The following PEAK1 variants were observed in gnomAD, a reference collection of about 807,000 sequenced individuals.
The protein encoded by PEAK1 is pseudopodium enriched atypical kinase 1.
Under a neutral mutation model 124.7 loss-of-function variants are expected in PEAK1, and 54 were observed. The observed-to-expected ratio is 0.43, with a 90% CI of 0.35 to 0.54. The LOEUF (loss-of-function observed/expected upper bound fraction) is 0.54. PEAK1 is among the 20% of genes least tolerant of loss of function. PEAK1 has a pLI of 0.01. For synonymous variants in PEAK1, 719 were observed against 760.0 expected, an observed-to-expected ratio of 0.95 and a Z score of 0.89; for missense variants, 2,046 against 2,134.5, an observed-to-expected ratio of 0.96 and a Z score of 0.82.
intron 9 of PEAK1, among the ~76,000 whole-genome samples, chr15:77,118,101 A>G (rs2051560714): frequency 1.3e-5 from 2 of 152,244 alleles, no homozygotes; most frequent in South Asian, 4.1e-4. Context: ...AGTGGGCAGC[A>G]CTTCCTTATC....
chr15:77,131,400 G>C (rs2052847370), intron 9 of PEAK1, among the ~76,000 whole-genome samples: 1 of 152,214 alleles, frequency 6.6e-6, no homozygotes, highest in South Asian at 2.1e-4. Flanking sequence ...GGCTGAGGCA[G>C]GAGAATCGCT....
chr15:77,262,217 C>T (rs1246200440), intron 5 of PEAK1, among the ~76,000 whole-genome samples: 1 of 152,110 alleles, frequency 6.6e-6, no homozygotes, highest in Non-Finnish European at 1.5e-5. Context: ...AGCAAAATAA[C>T]CAGCTAACAT....
At chr15:77,394,526 C>T (rs1234982351) in intron 1 of PEAK1, among the ~76,000 whole-genome samples, 1 of 152,176 alleles carries the variant, frequency 6.6e-6, no homozygotes, top group South Asian at 2.1e-4. Context: ...CCAAGACCAC[C>T]AAGGCAGCAC....
At chr15:77,232,456 A>G (rs2059948221) in intron 6 of PEAK1, among the ~76,000 whole-genome samples, 1 of 152,176 alleles carries the variant, frequency 6.6e-6, no homozygotes, top group Admixed American at 6.5e-5. Flanking sequence ...TTTTGAGATA[A>G]GAGTTTCACC....
intron 2 of PEAK1, among the ~76,000 whole-genome samples, chr15:77,341,450 A>G (rs985676448): frequency 2.0e-5 from 3 of 152,010 alleles, no homozygotes; most frequent in Non-Finnish European, 4.4e-5. Context: ...CAGTGAGCTG[A>G]GATCGTGCCA....
intron 2 of PEAK1, chr15:77,337,874 T>C (rs1369135529): frequency 3.0e-6 from 3 of 985,206 alleles, no homozygotes; most frequent in Non-Finnish European, 3.6e-6. Flanking sequence ...ATCAATTCCC[T>C]TGTCATATTA....
intron 1 of PEAK1, among the ~76,000 whole-genome samples, chr15:77,390,816 C>T (rs2070388286): frequency 6.6e-6 from 1 of 152,170 alleles, no homozygotes; most frequent in African/African-American, 2.4e-5. Flanking sequence ...AGGATTTCAA[C>T]AAGGTGGTCT....
intron 1 of PEAK1, chr15:77,381,165 G>C (rs1341117843): frequency 2.1e-6 from 2 of 943,936 alleles, no homozygotes; most frequent in Non-Finnish European, 2.5e-6. Context: ...CATGTTTTAA[G>C]ATTAATAACC....
intron 2 of PEAK1, among the ~76,000 whole-genome samples, chr15:77,329,302 C>A (rs1202053274): frequency 1.3e-5 from 2 of 152,148 alleles, no homozygotes; most frequent in Non-Finnish European, 2.9e-5. Context: ...ACTAATATTA[C>A]AGGACTCAAC....
chr15:77,277,892 G>C (rs1303012588), intron 5 of PEAK1, among the ~76,000 whole-genome samples: 1 of 152,098 alleles, frequency 6.6e-6, no homozygotes, highest in African/African-American at 2.4e-5. Flanking sequence ...AGGATTTTTA[G>C]GGCAGTGAAA....
intron 6 of PEAK1, among the ~76,000 whole-genome samples, chr15:77,216,711 T>C (rs376376921): frequency 2.8e-4 from 43 of 152,148 alleles, no homozygotes; most frequent in African/African-American, 1.0e-3. Context: ...GCAGAAACAA[T>C]AGCCAATACC....
rs926882862 is a variant in PEAK1 at position 77,180,283 on chromosome 15, T to C, written c.1644A>G (p.Val548=). The part of the protein sequence containing the change: ...STSPRQKIPK[V]ELITSGTGPN... ...GTCCAGTTCCACTAGTAATTAGTTCTACTTTAGGTATCTTTTGTCGTGGAC... is the reference window on the plus strand; with the variant it reads ...GTCCAGTTCCACTAGTAATTAGTTCCACTTTAGGTATCTTTTGTCGTGGAC... The change falls in exon 7 of 10, where the codon GTA becomes GTG. Residue 548 remains valine (V), a synonymous_variant. Transcript: ENST00000682557. 1 of 1,614,212 alleles carries C rather than the reference T, an allele frequency of 6.2e-7. No individual in the cohort carries two copies. Among genetic ancestry groups the C allele is most frequent in the Non-Finnish European group, 8.5e-7 (1 of 1,180,026 alleles).
chr15:77,374,037 A>G (rs1271981162), intron 1 of PEAK1, among the ~76,000 whole-genome samples: 1 of 152,246 alleles, frequency 6.6e-6, no homozygotes, highest in African/African-American at 2.4e-5. Flanking sequence ...GTGATACTTT[A>G]TAGAGAATAT....
intron 8 of PEAK1, among the ~76,000 whole-genome samples, chr15:77,152,730 G>GT (rs1159609605): frequency 6.6e-6 from 1 of 152,188 alleles, no homozygotes; most frequent in Non-Finnish European, 1.5e-5. Context: ...GGCCTTTTCT[G>GT]TATCTATTGA....
chr15:77,161,847 T>C (rs911735049), intron 7 of PEAK1, among the ~76,000 whole-genome samples: 2 of 150,698 alleles, frequency 1.3e-5, no homozygotes, highest in Non-Finnish European at 2.9e-5. Flanking sequence ...GTGCCTATAA[T>C]CCCAGCTACT....
chr15:77,220,101 G>A (rs1375119035), intron 6 of PEAK1, among the ~76,000 whole-genome samples: 6 of 152,046 alleles, frequency 3.9e-5, no homozygotes, highest in Admixed American at 2.0e-4. Context: ...GGGGCAAGAC[G>A]GGAGGAAGAA....
Position 77,133,625 on chromosome 15 carries a change from G to A in PEAK1, c.3457C>T (p.Pro1153Ser), listed in dbSNP as rs199720004. 2 of 1,614,152 alleles carry A rather than the reference G, an allele frequency of 1.2e-6. No homozygotes were observed. The highest frequency in any genetic ancestry group is 2.2e-5 in the East Asian group (1 of 44,884). Reference protein sequence around the residue: ...EAPNASQPTPPPLPKKMIIRA... With the variant: ...EAPNASQPTPSPLPKKMIIRA... ...ATGATCATCTTCTTTGGCAGTGGGG[G>A]TGGTGTAGGTTGGGAAGCATTGGGT... is the stretch of plus-strand genomic sequence containing the variant. Residue 1153 changes from proline to serine, a missense_variant, in exon 9 of 10, where the codon CCC becomes TCC. Pro to Ser is a moderately conservative substitution (Grantham distance 74). Transcript: ENST00000682557. The surrounding 1 kb of genome is among the most constrained non-coding windows in gnomAD (Gnocchi z 4.2).
chr15:77,133,190 A>C lies in PEAK1; in HGVS notation c.3892T>G (p.Leu1298Val). Residue 1298 changes from leucine to valine, a missense_variant, in exon 9 of 10, where the codon TTG becomes GTG. By Grantham distance (32) the Leu-to-Val change is conservative. Coordinates refer to ENST00000682557, the MANE Select transcript of PEAK1 (RefSeq NM_001385026.1). This position sits in a 1 kb window ranked among gnomAD's most constrained non-coding sequence, Gnocchi z 4.2. ...TCGCATTTAACAGCCAGTTTCTTCA[A>C]GGCATCTGTATGAAGGCTTCGGATT... ...GKIRSLHTDALKKLAVKCEDL... is the reference protein window; with the variant it reads ...GKIRSLHTDAVKKLAVKCEDL... 6.2e-7 allele frequency: 1 copy of C among 1,614,192 alleles called. No individual in the cohort carries two copies. The highest frequency in any genetic ancestry group is 1.3e-5 in the African/African-American group (1 of 75,066).
chr15:77,366,842 A>G (rs2068277152), intron 1 of PEAK1, among the ~76,000 whole-genome samples: 2 of 152,190 alleles, frequency 1.3e-5, no homozygotes, highest in Non-Finnish European at 2.9e-5. Flanking sequence ...GATTACAGGC[A>G]TGATCCATAC....
Sources: allele counts gnomAD v4.1 joint callset (sites outside exome capture counted in the v4.1 genomes callset), GRCh38; gene constraint gnomAD v4.1.1; non-coding constraint Gnocchi (gnomAD v3.1); transcripts MANE v1.5; gene names NCBI Gene and HGNC (gene_info 2026-07-23, HGNC 2026-07-21).